Variants in FAM234A observed in about 807,000 individuals in gnomAD.
FAM234A encodes the protein protein FAM234A.
FAM234A carries 42 observed loss-of-function variants against 49.1 expected under a neutral mutation model. That is an observed-to-expected ratio of 0.86 (90% confidence interval 0.67 to 1.11). The LOEUF (loss-of-function observed/expected upper bound fraction) is 1.11. Among genes scored for constraint, FAM234A ranks in the 50% least tolerant of loss-of-function variants. FAM234A has a pLI of 0.00. For missense variants in FAM234A, 815 were observed against 745.2 expected, an observed-to-expected ratio of 1.09 and a Z score of -1.09; for synonymous variants, 369 against 316.2, an observed-to-expected ratio of 1.17 and a Z score of -1.77.
intron 2 of FAM234A, chr16:254,039 G>A (rs1424689987): frequency 3.7e-6 from 1 of 271,048 alleles, no homozygotes; most frequent in Non-Finnish European, 7.1e-6. Context: ...GATATGCTCA[G>A]AGGCTGAGTA....
intron 1 of FAM234A, among the ~76,000 whole-genome samples, chr16:244,423 A>G (rs1406497938): frequency 1.3e-5 from 2 of 152,166 alleles, no homozygotes; most frequent in Non-Finnish European, 2.9e-5. Flanking sequence ...CAAAACACTA[A>G]AAGGACTCCT....
intron 1 of FAM234A, among the ~76,000 whole-genome samples, chr16:238,408 G>T (rs2050477077): frequency 6.6e-6 from 1 of 152,104 alleles, no homozygotes; most frequent in South Asian, 2.1e-4. Flanking sequence ...GGTGCTGGCC[G>T]TAATCTCTGG....
intron 1 of FAM234A, among the ~76,000 whole-genome samples, chr16:244,807 C>T (rs963645326): frequency 2.0e-5 from 3 of 151,176 alleles, no homozygotes; most frequent in African/African-American, 7.3e-5. Flanking sequence ...CCTGCCTCAG[C>T]CTCCCGAGTA....
At chr16:269,477 G>A (rs761574229), downstream of FAM234A, 12 of 1,609,998 alleles carry the variant, frequency 7.5e-6, no homozygotes, top group African/African-American at 1.3e-5. Flanking sequence ...CACAGCCGCC[G>A]GCCACAGGGC....
chr16:254,729 A>C lies in FAM234A; in HGVS notation c.268+48A>C, dbSNP rs376148666. 1.5e-4 allele frequency: 243 copies of C among 1,596,946 alleles called. No homozygotes were observed. The African/African-American group carries it at 3.1e-3, about 20-fold the overall frequency. On this transcript the variant is annotated intron_variant, in intron 3 of 12. Coordinates refer to ENST00000399932, the MANE Select transcript of FAM234A (RefSeq NM_032039.4). ...AGTGGGGTCCAAAGCAGCTCTTCCC[A>C]GGGGATGGGGCGGAGGGGGCAGAAC... is the stretch of plus-strand genomic sequence containing the variant.
rs373558396 is a variant in FAM234A at position 263,745 on chromosome 16, C to T, written c.1158C>T (p.Ala386=). 8.8e-5 allele frequency: 142 copies of T among 1,613,920 alleles called. No individual in the cohort carries two copies. The Admixed American group carries it at 1.4e-3, about 16-fold the overall frequency. Residue 386 remains alanine, a synonymous_variant, in exon 10 of 13, where the codon GCC becomes GCT. Coordinates refer to ENST00000399932, the MANE Select transcript of FAM234A (RefSeq NM_032039.4). ...GRYKPDTLAV[A]VENGTGTDRQ... The stretch of plus-strand genomic sequence containing the variant: ...ACAAACCAGACACCTTGGCTGTAGC[C>T]GTTGAAAACGGAACTGGCACCGACA...
chr16:265,732 G>A lies in FAM234A; in HGVS notation c.*710G>A, dbSNP rs895209891. The A allele has an allele frequency of 1.0e-6, 1 of 985,636 alleles. No homozygotes were observed. Among genetic ancestry groups the A allele is most frequent in the Admixed American group, 6.1e-5 (1 of 16,290 alleles). 61.1% of individuals were successfully genotyped at this position (985,636 alleles called of 1,614,324 possible). A position where few individuals can be genotyped will look rare whatever the true frequency, so the allele number is the denominator to read the frequency against. ...GCCGCTCACAGGTGTCCTTAGTGGT[G>A]TTGCAGCTGTCTACTGGCTGCATGT... On this transcript the variant is annotated 3_prime_UTR_variant, in exon 13 of 13. Transcript: ENST00000399932.
At chr16:255,953 C>T (rs746528121) in intron 3 of FAM234A, among the ~76,000 whole-genome samples, 1 of 152,224 alleles carries the variant, frequency 6.6e-6, no homozygotes, top group African/African-American at 2.4e-5. Context: ...CGTGAGCCAC[C>T]GCGCCCGGCC....
intron 1 of FAM234A, among the ~76,000 whole-genome samples, chr16:249,316 C>A (rs542007112): frequency 1.3e-5 from 2 of 152,098 alleles, no homozygotes; most frequent in South Asian, 4.1e-4. Context: ...CTCTGCTTGG[C>A]TCCACCCTGG....
At chr16:263,488 G>GC in intron 9 of FAM234A, 86 bp downstream of exon 9, 2 of 1,546,040 alleles carry the variant, frequency 1.3e-6, no homozygotes, top group Non-Finnish European at 8.7e-7. Context: ...AGGAGACAGC[G>GC]CTGGGGGTGG....
chr16:257,944 A>G (rs2051301855), intron 3 of FAM234A, among the ~76,000 whole-genome samples: 2 of 151,538 alleles, frequency 1.3e-5, no homozygotes, highest in African/African-American at 4.9e-5. Context: ...TGCAGCCTCC[A>G]CCTCCTGGGT....
chr16:269,050 C>G (rs1356493128), downstream of FAM234A: 1 of 1,104,818 alleles, frequency 9.1e-7, no homozygotes, highest in Non-Finnish European at 1.3e-6. Context: ...TGAACCCCCT[C>G]CCTGGGAATC....
In FAM234A at chr16:257,184, A is replaced by T. The variant is rs986010880; in HGVS notation, c.269-2299A>T. The stretch of plus-strand genomic sequence containing the variant: ...GTGAACCACCACGCCCAGCCTTTCC[A>T]CTCTCTTGATAGTGTCCTTCGATGC... On this transcript the variant is annotated intron_variant, in intron 3 of 12. Coordinates refer to ENST00000399932, the MANE Select transcript of FAM234A (RefSeq NM_032039.4). 3.0e-5 allele frequency among the ~76,000 whole-genome samples: 4 copies of T among 133,868 alleles called. No individual in the cohort carries two copies. In the Admixed American group the frequency reaches 3.1e-4, roughly 10 times the overall value. 87.8% of individuals were successfully genotyped at this position (133,868 alleles called of 152,430 possible).
At chr16:248,757 A>G (rs2050900723) in intron 1 of FAM234A, among the ~76,000 whole-genome samples, 1 of 151,626 alleles carries the variant, frequency 6.6e-6, no homozygotes, top group Non-Finnish European at 1.5e-5. Flanking sequence ...AGTAGTTGGG[A>G]CTATAGGTGC....
chr16:236,590 T>TCCAGC (rs1448020784), intron 1 of FAM234A, among the ~76,000 whole-genome samples: 1 of 149,060 alleles, frequency 6.7e-6, no homozygotes, highest in Non-Finnish European at 1.5e-5. Context: ...ACCACTACGC[T>TCCAGC]CTGGAGACAT....
At chr16:254,351 C>T in intron 2 of FAM234A, 30 bp from the exon 3 acceptor site, 1 of 1,578,790 alleles carries the variant, frequency 6.3e-7, no homozygotes, top group Non-Finnish European at 8.6e-7. Context: ...GGACTGCTGG[C>T]CTCGCCGACC....
intron 1 of FAM234A, among the ~76,000 whole-genome samples, chr16:235,961 T>A (rs2050384274): frequency 6.7e-6 from 1 of 150,134 alleles, no homozygotes; most frequent in African/African-American, 2.4e-5. Flanking sequence ...GAGACCAGCA[T>A]GGCCAACATG....
At chr16:235,326 C>T (rs535461987) in intron 1 of FAM234A, among the ~76,000 whole-genome samples, 2 of 152,212 alleles carry the variant, frequency 1.3e-5, no homozygotes, top group South Asian at 2.1e-4. Flanking sequence ...TGTCCTCTCT[C>T]GGGACGCTGT....
At chr16:242,544 G>A (rs368315662) in intron 1 of FAM234A, among the ~76,000 whole-genome samples, 10 of 151,190 alleles carry the variant, frequency 6.6e-5, no homozygotes, top group African/African-American at 2.2e-4. Flanking sequence ...GGAATAATCC[G>A]TTTGAATAAC....
Sources: gnomAD v4.1 joint callset for allele counts (sites outside exome capture counted in the v4.1 genomes callset) on GRCh38, gnomAD v4.1.1 for gene constraint, MANE v1.5 for transcripts, NCBI Gene and HGNC (gene_info 2026-07-23, HGNC 2026-07-21) for gene names.